Variants in LPCAT1 observed in about 807,000 individuals in gnomAD.
LPCAT1 encodes lysophosphatidylcholine acyltransferase 1, also known as 1-acylglycerol-3-phosphate O-acyltransferase.
In LPCAT1, 23 loss-of-function variants were observed where a neutral mutation model predicts 60.9. The ratio of observed to expected loss-of-function variants is 0.38; its 90% confidence interval spans 0.27 to 0.53. The LOEUF (loss-of-function observed/expected upper bound fraction) is 0.53, where lower values mean the gene tolerates loss of function less well. Ranked by LOEUF, LPCAT1 falls within the 20% of genes least tolerant of loss-of-function variation. LPCAT1 has a pLI of 0.82. For synonymous variants in LPCAT1, 340 were observed against 301.1 expected (o/e 1.13, Z -1.34); for missense variants, 622 against 723.6 (o/e 0.86, Z 1.61).
Position 1,519,912 on chromosome 5 carries a change from G to C in LPCAT1, c.135+3798C>G, listed in dbSNP as rs188539619. Among the ~76,000 whole-genome samples the C allele has an allele frequency of 1.6e-3, 248 of 152,260 alleles. 4 individuals are homozygous for C. The East Asian group carries it at 0.038, about 23-fold the overall frequency. Reference sequence around the variant, plus strand: ...CACTCTCCTGCACATCCTCCACAGGGTGTGGCTGCCCTGTGCTCCCACCGG... The same window carrying C: ...CACTCTCCTGCACATCCTCCACAGGCTGTGGCTGCCCTGTGCTCCCACCGG... On this transcript the variant is annotated intron_variant, in intron 1 of 13. Coordinates refer to ENST00000283415, the MANE Select transcript of LPCAT1 (RefSeq NM_024830.5).
At chr5:1,492,155 G>C (rs1297126473) in intron 3 of LPCAT1, among the ~76,000 whole-genome samples, 1 of 151,904 alleles carries the variant, frequency 6.6e-6, no homozygotes, top group Non-Finnish European at 1.5e-5. Context: ...GACCACGGGA[G>C]ATGTCTCTGA....
intron 1 of LPCAT1, among the ~76,000 whole-genome samples, chr5:1,504,038 A>C (rs1164594460): frequency 6.6e-6 from 1 of 152,180 alleles, no homozygotes; most frequent in Non-Finnish European, 1.5e-5. Context: ...AATCATATTA[A>C]TTTTGGCTCT....
chr5:1,474,535 C>A, intron 10 of LPCAT1, 25 bp downstream of exon 10: 8 of 1,612,664 alleles, frequency 5.0e-6, no homozygotes, highest in Non-Finnish European at 6.8e-6. Flanking sequence ...AGCTAATGCT[C>A]AAGGAAGAAG....
rs1470918043 is a variant in LPCAT1 at position 1,466,316 on chromosome 5, CG to C, written c.1420+432del. Among the ~76,000 whole-genome samples the C allele has an allele frequency of 5.9e-5, 9 of 152,232 alleles. 1 individual carries two copies. Among genetic ancestry groups the C allele is most frequent in the Middle Eastern group, 6.8e-3 (2 of 294 alleles). Reference sequence around the variant, plus strand: ...CGGGAGGAAGTCGCCCTGGGCGGCACGGGGGTCTGCAGCGCCCGCCTCCTCG... The same window carrying C: ...CGGGAGGAAGTCGCCCTGGGCGGCACGGGGTCTGCAGCGCCCGCCTCCTCG... On this transcript the variant is annotated intron_variant, in intron 13 of 13. Transcript: ENST00000283415.
intron 4 of LPCAT1, 82 bp from the exon 5 acceptor site, chr5:1,488,533 T>C (rs1486170557): frequency 5.3e-6 from 5 of 950,460 alleles, no homozygotes; most frequent in Non-Finnish European, 6.5e-6. Context: ...ATCTTCACAA[T>C]ATATTTTCTT....
At position 1,495,296 on chromosome 5, in the gene LPCAT1, A is replaced by T. The variant is rs1249594687; in HGVS notation, c.279-382T>A. ...GCATCCTATCATTTTGAAATGGGAA[A>T]AACATTAAAACACCTAAAACGCATA... On this transcript the variant is annotated intron_variant, in intron 2 of 13. Coordinates refer to ENST00000283415, the MANE Select transcript of LPCAT1 (RefSeq NM_024830.5). The surrounding 1 kb of genome is among the most constrained non-coding windows in gnomAD (Gnocchi z 4.7). Among the ~76,000 whole-genome samples the T allele has an allele frequency of 1.3e-4, 20 of 149,338 alleles. No homozygotes were observed. The highest frequency in any genetic ancestry group is 4.4e-5 in the Non-Finnish European group (3 of 67,496).
rs977422918 is a variant in LPCAT1 at position 1,521,529 on chromosome 5, T to C, written c.135+2181A>G. The C allele has an allele frequency of 8.2e-6, 8 of 978,370 alleles. No individual in the cohort carries two copies. Among genetic ancestry groups the C allele is most frequent in the African/African-American group, 5.3e-5 (3 of 57,088 alleles). The allele number at this position is 978,370 out of a possible 1,614,324, so 60.6% of individuals were successfully genotyped here. On this transcript the variant is annotated intron_variant, in intron 1 of 13. Coordinates refer to ENST00000283415, the MANE Select transcript of LPCAT1 (RefSeq NM_024830.5). The surrounding 1 kb of genome is among the most constrained non-coding windows in gnomAD (Gnocchi z 4.3). ...AAGTAAAAGCTTTGCAAAGCAATGC[T>C]TGGTGAAAAGCAAAATGTTTCTGCA... is the stretch of plus-strand genomic sequence containing the variant.
intron 8 of LPCAT1, among the ~76,000 whole-genome samples, chr5:1,478,668 G>A (rs978203612): frequency 2.0e-5 from 3 of 152,270 alleles, no homozygotes; most frequent in African/African-American, 7.2e-5. Flanking sequence ...TATCCTCTAT[G>A]GAAGTGAACA....
chr5:1,463,159 T>C lies in LPCAT1; in HGVS notation c.*492A>G, dbSNP rs112868606. On this transcript the variant is annotated 3_prime_UTR_variant, in exon 14 of 14. Coordinates refer to ENST00000283415, the MANE Select transcript of LPCAT1 (RefSeq NM_024830.5). ...ATACTCATGAGCTCCAGCACACAGG[T>C]AGAAACACTGAAAAATCAGGTGACG... is the stretch of plus-strand genomic sequence containing the variant. 615 of 155,492 alleles carry C rather than the reference T, an allele frequency of 4.0e-3. 2 individuals carry two copies. The highest frequency in any genetic ancestry group is 0.014 in the African/African-American group (579 of 41,650). 9.6% of individuals were successfully genotyped at this position (155,492 alleles called of 1,614,324 possible). A position where few individuals can be genotyped will look rare whatever the true frequency, so the allele number is the denominator to read the frequency against.
intron 2 of LPCAT1, among the ~76,000 whole-genome samples, chr5:1,497,805 T>C (rs1358039327): frequency 1.3e-5 from 2 of 152,158 alleles, no homozygotes; most frequent in Non-Finnish European, 2.9e-5. Context: ...TCCCCAAACT[T>C]GGGAACAGGT....
At chr5:1,515,983 T>C (rs1313703799) in intron 1 of LPCAT1, among the ~76,000 whole-genome samples, 3 of 152,042 alleles carry the variant, frequency 2.0e-5, no homozygotes, top group African/African-American at 4.8e-5. Context: ...AGAATGGGAG[T>C]GGGCAGGGGC....
At position 1,496,938 on chromosome 5, in the gene LPCAT1, G is replaced by A. The variant is rs1302492381; in HGVS notation, c.279-2024C>T. Among the ~76,000 whole-genome samples, 2 of 152,186 alleles carry A rather than the reference G, an allele frequency of 1.3e-5. No homozygotes were observed. The highest frequency in any genetic ancestry group is 2.9e-5 in the Non-Finnish European group (2 of 68,048). ...TGTGAATCAGGAGACAGATCTATCT[G>A]CATACACAGGAGCGGGGATCTCCAT... On this transcript the variant is annotated intron_variant, in intron 2 of 13. Coordinates refer to ENST00000283415, the MANE Select transcript of LPCAT1 (RefSeq NM_024830.5). This position sits in a 1 kb window ranked among gnomAD's most constrained non-coding sequence, Gnocchi z 4.7.
chr5:1,494,670 C>T (rs2126567182), intron 3 of LPCAT1, 30 bp downstream of exon 3: 1 of 1,594,194 alleles, frequency 6.3e-7, no homozygotes, highest in Non-Finnish European at 8.6e-7. Context: ...GGGCAGGGTC[C>T]CTCACTCCCA....
intron 1 of LPCAT1, among the ~76,000 whole-genome samples, chr5:1,506,331 G>A (rs975782434): frequency 3.3e-5 from 5 of 152,324 alleles, no homozygotes; most frequent in South Asian, 4.1e-4. Context: ...GGCTCGGCCC[G>A]CCCACAGGAG....
intron 1 of LPCAT1, among the ~76,000 whole-genome samples, chr5:1,504,583 G>A (rs549557425): frequency 9.2e-5 from 14 of 152,294 alleles, no homozygotes; most frequent in African/African-American, 2.6e-4. Context: ...GCGTGGTGGC[G>A]CATGCCTGTA....
rs1182725431 is a variant in LPCAT1, at chr5:1,522,598, AGGCGTCCTGG to A, written c.135+1102_135+1111del. Among the ~76,000 whole-genome samples, 1 of 152,220 alleles carries A rather than the reference AGGCGTCCTGG, an allele frequency of 6.6e-6. No homozygotes were observed. The highest frequency in any genetic ancestry group is 1.5e-5 in the Non-Finnish European group (1 of 68,032). On this transcript the variant is annotated intron_variant, in intron 1 of 13. Coordinates refer to ENST00000283415, the MANE Select transcript of LPCAT1 (RefSeq NM_024830.5). This position sits in a 1 kb window ranked among gnomAD's most constrained non-coding sequence, Gnocchi z 6.8. ...GCATCAAGGGGCTTTGAGCAAAAGC[AGGCGTCCTGG>A]GAAAATGACAAGCTCAAACTGGCCT...
At chr5:1,478,682 G>A (rs775753569) in intron 8 of LPCAT1, among the ~76,000 whole-genome samples, 8 of 152,272 alleles carry the variant, frequency 5.3e-5, no homozygotes, top group African/African-American at 1.2e-4. Flanking sequence ...GTGAACAGCC[G>A]GGCTGAAAGC....
chr5:1,472,609 G>A (rs1453964855), intron 11 of LPCAT1, among the ~76,000 whole-genome samples: 1 of 152,130 alleles, frequency 6.6e-6, no homozygotes, highest in Non-Finnish European at 1.5e-5. Flanking sequence ...AAGTTACCTC[G>A]GAACGCTGCC....
rs1735416172 is a variant in LPCAT1, at chr5:1,487,519, AC to A, written c.667+871del. Among the ~76,000 whole-genome samples the A allele has an allele frequency of 6.6e-6, 1 of 152,048 alleles. No individual in the cohort carries two copies. The highest frequency in any genetic ancestry group is 2.4e-5 in the African/African-American group (1 of 41,380). ...GAGGAGGATGGCCACAGGCTCGGAA[AC>A]CCCGGCGGCACACGTAGGTGAGTGA... is the stretch of plus-strand genomic sequence containing the variant. On this transcript the variant is annotated intron_variant, in intron 5 of 13. Coordinates refer to ENST00000283415, the MANE Select transcript of LPCAT1 (RefSeq NM_024830.5). This position sits in a 1 kb window ranked among gnomAD's most constrained non-coding sequence, Gnocchi z 6.1.
Sources: allele counts gnomAD v4.1 joint callset (sites outside exome capture counted in the v4.1 genomes callset), GRCh38; gene constraint gnomAD v4.1.1; non-coding constraint Gnocchi (gnomAD v3.1); transcripts MANE v1.5; gene names NCBI Gene and HGNC (gene_info 2026-07-23, HGNC 2026-07-21).